The following PDCD1LG2 variants were observed in gnomAD, a reference collection of about 807,000 sequenced individuals.
The protein encoded by PDCD1LG2 is programmed cell death 1 ligand 2.
PDCD1LG2 carries 32 observed loss-of-function variants against 28.2 expected under a neutral mutation model. That is an observed-to-expected ratio of 1.13 (90% CI 0.86 to 1.52). PDCD1LG2 has a LOEUF of 1.52. Ranked by LOEUF, PDCD1LG2 falls within the 40% of genes most tolerant of loss-of-function variation. The pLI, the probability that PDCD1LG2 is intolerant of heterozygous loss-of-function variation, is 0.00. For synonymous variants in PDCD1LG2, 116 were observed against 120.2 expected (o/e 0.97, Z 0.23); for missense variants, 385 against 323.8 (o/e 1.19, Z -1.45).
intron 2 of PDCD1LG2, among the ~76,000 whole-genome samples, chr9:5,531,568 A>C (rs954606328): frequency 6.6e-6 from 1 of 152,234 alleles, no homozygotes; most frequent in Non-Finnish European, 1.5e-5. Context: ...CAAGGCAGAC[A>C]GGAAAAATAG....
intron 2 of PDCD1LG2, among the ~76,000 whole-genome samples, chr9:5,527,353 T>G (rs960152180): frequency 6.6e-6 from 1 of 152,216 alleles, no homozygotes; most frequent in African/African-American, 2.4e-5. Context: ...ACTGATCTAT[T>G]TTCTGTCCTT....
intron 2 of PDCD1LG2, 133 bp from the exon 3 acceptor site, chr9:5,534,612 C>T (rs747397885): frequency 5.1e-5 from 38 of 740,748 alleles, no homozygotes; most frequent in Non-Finnish European, 6.2e-5. Flanking sequence ...AAAAAGGATT[C>T]GCCACGGGAA....
chr9:5,522,303 A>G (rs546645127), intron 1 of PDCD1LG2, among the ~76,000 whole-genome samples: 1 of 152,252 alleles, frequency 6.6e-6, no homozygotes, highest in Non-Finnish European at 1.5e-5. Flanking sequence ...CCATTAGAAA[A>G]GGAAGAAGAA....
chr9:5,538,384 T>G (rs1193212470), intron 3 of PDCD1LG2, among the ~76,000 whole-genome samples: 1 of 152,060 alleles, frequency 6.6e-6, no homozygotes, highest in African/African-American at 2.4e-5. Flanking sequence ...TATATATATA[T>G]TTTAGAAATG....
chr9:5,522,624 G>A (rs2129727103), intron 2 of PDCD1LG2, 23 bp downstream of exon 2: 1 of 1,610,286 alleles, frequency 6.2e-7, no homozygotes, highest in South Asian at 1.1e-5. Context: ...AAAGGGAGAG[G>A]CTTAAGAAAG....
chr9:5,540,111 C>T (rs1237786369), intron 3 of PDCD1LG2, among the ~76,000 whole-genome samples: 1 of 152,116 alleles, frequency 6.6e-6, no homozygotes, highest in Non-Finnish European at 1.5e-5. Context: ...CATGCAATTA[C>T]ATGGAAGTTA....
At chr9:5,562,038 T>C in intron 5 of PDCD1LG2, among the ~76,000 whole-genome samples, 1 of 152,122 alleles carries the variant, frequency 6.6e-6, no homozygotes, top group East Asian at 1.9e-4. Context: ...AAGCTCAGGA[T>C]AGTCATGAGG....
intron 3 of PDCD1LG2, among the ~76,000 whole-genome samples, chr9:5,548,771 C>T (rs536004631): frequency 6.6e-6 from 1 of 152,236 alleles, no homozygotes; most frequent in Non-Finnish European, 1.5e-5. Context: ...TAGACATTAT[C>T]TAGGTCTTTA....
chr9:5,526,308 A>G (rs973822964), intron 2 of PDCD1LG2, among the ~76,000 whole-genome samples: 2 of 152,210 alleles, frequency 1.3e-5, no homozygotes, highest in African/African-American at 2.4e-5. Flanking sequence ...TTTTGTAACC[A>G]CCACCCAGGT....
chr9:5,511,805 A>G (rs1451391412), intron 1 of PDCD1LG2, among the ~76,000 whole-genome samples: 1 of 152,132 alleles, frequency 6.6e-6, no homozygotes, highest in Non-Finnish European at 1.5e-5. Context: ...CTGCTGCTTC[A>G]GGGTGTCTTC....
intron 3 of PDCD1LG2, among the ~76,000 whole-genome samples, chr9:5,548,636 T>C (rs958946923): frequency 2.0e-5 from 3 of 152,186 alleles, no homozygotes; most frequent in African/African-American, 4.8e-5. Context: ...GCCATATCTG[T>C]TTAATTCACT....
chr9:5,525,841 G>T (rs1266380012), intron 2 of PDCD1LG2, among the ~76,000 whole-genome samples: 1 of 152,080 alleles, frequency 6.6e-6, no homozygotes, highest in Non-Finnish European at 1.5e-5. Context: ...GAGGTCAGGA[G>T]ACCGAGACCA....
At position 5,570,096 on chromosome 9, in the gene PDCD1LG2, T is replaced by G. The variant is rs1337825994; in HGVS notation, c.*137T>G. ...CTTTGGATGACCCAGCACTTTAATC[T>G]GAAACCTGCAACAAGACTAGCCAAC... On this transcript the variant is annotated 3_prime_UTR_variant, in exon 7 of 7. Transcript: ENST00000397747. 5.5e-6 allele frequency: 6 copies of G among 1,092,204 alleles called. No individual in the cohort carries two copies. Among genetic ancestry groups the G allele is most frequent in the Middle Eastern group, 2.0e-4 (1 of 4,962 alleles). The allele number at this position is 1,092,204 out of a possible 1,614,324, so 67.7% of individuals were successfully genotyped here. A position where few individuals can be genotyped will look rare whatever the true frequency, so the allele number is the denominator to read the frequency against.
chr9:5,526,667 G>A lies in PDCD1LG2; in HGVS notation c.55+4066G>A, dbSNP rs543763625. The stretch of plus-strand genomic sequence containing the variant: ...TACACAGGCTGGCCTCAAACGCCTC[G>A]TCTCAAGCAATCCTCCTGCCCCAGC... On this transcript the variant is annotated intron_variant, in intron 2 of 6. Transcript: ENST00000397747. 1.1e-4 allele frequency among the ~76,000 whole-genome samples: 16 copies of A among 152,114 alleles called. No homozygotes were observed. The South Asian group carries it at 1.3e-3, about 12-fold the overall frequency.
At chr9:5,558,885 G>C (rs1816500797) in intron 5 of PDCD1LG2, among the ~76,000 whole-genome samples, 1 of 152,238 alleles carries the variant, frequency 6.6e-6, no homozygotes, top group South Asian at 2.1e-4. Context: ...ATAAATGTGG[G>C]AGGGAAGGGA....
At chr9:5,545,856 A>C (rs577463748) in intron 3 of PDCD1LG2, among the ~76,000 whole-genome samples, 1 of 152,326 alleles carries the variant, frequency 6.6e-6, no homozygotes, top group Admixed American at 6.5e-5. Context: ...TCATCAAAGC[A>C]ATTATCTAGG....
intron 2 of PDCD1LG2, among the ~76,000 whole-genome samples, chr9:5,531,716 A>C (rs980721727): frequency 6.6e-6 from 1 of 152,198 alleles, no homozygotes; most frequent in Non-Finnish European, 1.5e-5. Flanking sequence ...AAATTTGCTA[A>C]ATAGATTCAA....
chr9:5,544,354 C>G (rs1820750825), intron 3 of PDCD1LG2, among the ~76,000 whole-genome samples: 1 of 152,200 alleles, frequency 6.6e-6, no homozygotes, highest in Non-Finnish European at 1.5e-5. Context: ...ACTTGACAGA[C>G]ACTGGAACCC....
intron 3 of PDCD1LG2, among the ~76,000 whole-genome samples, chr9:5,536,811 G>C (rs1027631148): frequency 6.6e-6 from 1 of 152,174 alleles, no homozygotes; most frequent in Admixed American, 6.5e-5. Flanking sequence ...GCAGTTTTAG[G>C]AAGTGAGTTC....
Sources: gnomAD v4.1 joint callset for allele counts (sites outside exome capture counted in the v4.1 genomes callset) on GRCh38, gnomAD v4.1.1 for gene constraint, MANE v1.5 for transcripts, NCBI Gene and HGNC (gene_info 2026-07-23, HGNC 2026-07-21) for gene names.